KCNIP3: variants seen among roughly 807,000 people sequenced by gnomAD.
KCNIP3 encodes the protein potassium voltage-gated channel interacting protein 3.
KCNIP3 carries 28 observed loss-of-function variants against 35.0 expected under a neutral mutation model. The observed-to-expected ratio is 0.80, with a 90% confidence interval of 0.59 to 1.10. The LOEUF is 1.10. Among genes scored for constraint, KCNIP3 ranks in the 50% least tolerant of loss-of-function variants. The pLI is 0.00. For missense variants in KCNIP3, 295 were observed against 338.4 expected (o/e 0.87, Z 1.01); for synonymous variants, 134 against 133.8 (o/e 1.00, Z -0.01).
chr2:95,335,711 T>C (rs957965380), intron 2 of KCNIP3, among the ~76,000 whole-genome samples: 1 of 152,196 alleles, frequency 6.6e-6, no homozygotes, highest in Non-Finnish European at 1.5e-5. Context: ...TTCTTTAAAT[T>C]ATTTTTAAAA....
At chr2:95,299,840 CAGG>C in intron 1 of KCNIP3, among the ~76,000 whole-genome samples, 1 of 152,356 alleles carries the variant, frequency 6.6e-6, no homozygotes, top group Non-Finnish European at 1.5e-5. Context: ...AGGTAGAGCC[CAGG>C]AGAAGGGCAG....
In KCNIP3 at chr2:95,309,579, AC is replaced by A. The variant is rs775705181; in HGVS notation, c.16-775del. ...GCTGGGATTACAGGCACATGCCACC[AC>A]GTCTGGCTAATTTTTGTATTTTTAG... On this transcript the variant is annotated intron_variant, in intron 1 of 8. Transcript: ENST00000295225. Among the ~76,000 whole-genome samples the A allele has an allele frequency of 1.6e-3, 239 of 152,178 alleles. 1 individual carries two copies. Among genetic ancestry groups the A allele is most frequent in the South Asian group, 3.1e-3 (15 of 4,806 alleles).
chr2:95,316,267 TC>T (rs1349200607), intron 2 of KCNIP3, among the ~76,000 whole-genome samples: 3 of 152,346 alleles, frequency 2.0e-5, no homozygotes, highest in African/African-American at 7.2e-5. Flanking sequence ...CGGAACAGCC[TC>T]TGAGCCGCAC....
chr2:95,362,519 G>C (rs916228637), intron 2 of KCNIP3, among the ~76,000 whole-genome samples: 10 of 152,198 alleles, frequency 6.6e-5, no homozygotes, highest in African/African-American at 2.4e-4. Flanking sequence ...AGTCACACTG[G>C]GGGTTAAGAC....
intron 1 of KCNIP3, among the ~76,000 whole-genome samples, chr2:95,301,112 T>C (rs937868300): frequency 1.2e-4 from 12 of 99,596 alleles, no homozygotes; most frequent in Non-Finnish European, 3.0e-4. Flanking sequence ...ATGGGCACTC[T>C]GGACAGTGCT....
chr2:95,383,961 C>A, intron 8 of KCNIP3, 41 bp from the exon 9 acceptor site: 2 of 1,594,324 alleles, frequency 1.3e-6, no homozygotes, highest in South Asian at 1.1e-5. Flanking sequence ...GATTTGGAGC[C>A]CACCCAGCAC....
rs190606635 is a variant in KCNIP3, at chr2:95,384,834, G to T, written c.*785G>T. On this transcript the variant is annotated 3_prime_UTR_variant, in exon 9 of 9. Transcript: ENST00000295225. ...CACTCTCTGCCAGCTCCACAGGGTG[G>T]GATGAGCCTCTCCTTGCCCCAGTCC... 4.6e-3 allele frequency: 705 copies of T among 152,806 alleles called. 5 individuals are homozygous for T. The highest frequency in any genetic ancestry group is 7.4e-3 in the Non-Finnish European group (509 of 68,390). 9.5% of individuals were successfully genotyped at this position (152,806 alleles called of 1,614,324 possible).
intron 2 of KCNIP3, among the ~76,000 whole-genome samples, chr2:95,338,407 T>G (rs891065165): frequency 5.9e-5 from 9 of 152,208 alleles, no homozygotes; most frequent in African/African-American, 9.7e-5. Flanking sequence ...CCTGTGTCCT[T>G]CTTTCATGGT....
At chr2:95,380,413 G>A (rs759310544) in intron 5 of KCNIP3, among the ~76,000 whole-genome samples, 2 of 152,110 alleles carry the variant, frequency 1.3e-5, no homozygotes, top group African/African-American at 2.4e-5. Context: ...GAGGGGCCTC[G>A]GGGCCTTGGT....
intron 2 of KCNIP3, among the ~76,000 whole-genome samples, chr2:95,322,951 C>T (rs1488352996): frequency 1.3e-5 from 2 of 152,336 alleles, no homozygotes; most frequent in East Asian, 3.9e-4. Context: ...AGAGCCACCG[C>T]GAGCAGGTCC....
chr2:95,320,936 T>C (rs1471201919), intron 2 of KCNIP3, among the ~76,000 whole-genome samples: 2 of 41,634 alleles, frequency 4.8e-5, no homozygotes, highest in South Asian at 8.4e-4. Context: ...CAGCCTTCCC[T>C]AGGCCCTCTC....
Position 95,377,361 on chromosome 2 carries a change from C to T in KCNIP3, c.447+2153C>T, listed in dbSNP as rs1392512254. 1.3e-5 allele frequency among the ~76,000 whole-genome samples: 2 copies of T among 152,236 alleles called. No homozygotes were observed. The highest frequency in any genetic ancestry group is 2.9e-5 in the Non-Finnish European group (2 of 68,042). On this transcript the variant is annotated intron_variant, in intron 5 of 8. Transcript: ENST00000295225. The surrounding 1 kb of genome is among the most constrained non-coding windows in gnomAD (Gnocchi z 4.7). ...CCCGACAGTAAACTGCTCCATGTGC[C>T]AGTGGCCAAGCGGCATCCAGGGCCG...
At chr2:95,333,206 G>A (rs1416006813) in intron 2 of KCNIP3, among the ~76,000 whole-genome samples, 1 of 152,214 alleles carries the variant, frequency 6.6e-6, no homozygotes, top group African/African-American at 2.4e-5. Flanking sequence ...ACTTGGCCAT[G>A]CCCTTATAAC....
intron 2 of KCNIP3, among the ~76,000 whole-genome samples, chr2:95,328,662 G>C (rs1678850817): frequency 6.6e-6 from 1 of 152,264 alleles, no homozygotes; most frequent in Non-Finnish European, 1.5e-5. Flanking sequence ...CTGTGTGCTG[G>C]GGAGGGGCTC....
chr2:95,352,426 C>T (rs1444180914), intron 2 of KCNIP3, among the ~76,000 whole-genome samples: 1 of 152,070 alleles, frequency 6.6e-6, no homozygotes, highest in African/African-American at 2.4e-5. Context: ...GGGAGTGACC[C>T]TGGGGTCAGA....
In KCNIP3 at chr2:95,376,019, G is replaced by A. The variant is rs1235193983; in HGVS notation, c.447+811G>A. Among the ~76,000 whole-genome samples, 3 of 152,294 alleles carry A rather than the reference G, an allele frequency of 2.0e-5. No individual in the cohort carries two copies. Among genetic ancestry groups the A allele is most frequent in the Non-Finnish European group, 2.9e-5 (2 of 68,018 alleles). On this transcript the variant is annotated intron_variant, in intron 5 of 8. Coordinates refer to ENST00000295225, the MANE Select transcript of KCNIP3 (RefSeq NM_013434.5). The surrounding 1 kb of genome is among the most constrained non-coding windows in gnomAD (Gnocchi z 4.2). ...ATAATAACTTGTCGATAAGCTGCGCGGGTTATTTTTATGCCGCAAGCCCGC... is the reference window on the plus strand; with the variant it reads ...ATAATAACTTGTCGATAAGCTGCGCAGGTTATTTTTATGCCGCAAGCCCGC...
intron 2 of KCNIP3, among the ~76,000 whole-genome samples, chr2:95,356,694 T>G (rs181749831): frequency 1.3e-5 from 2 of 152,320 alleles, no homozygotes; most frequent in Non-Finnish European, 2.9e-5. Flanking sequence ...CTCTGTTCTG[T>G]TCCATTGGTC....
At chr2:95,345,953 C>G (rs1361065555) in intron 2 of KCNIP3, among the ~76,000 whole-genome samples, 1 of 152,216 alleles carries the variant, frequency 6.6e-6, no homozygotes, top group African/African-American at 2.4e-5. Flanking sequence ...GGCGTCTCCC[C>G]CTCTCTGCGG....
chr2:95,312,706 A>C (rs1379569332), intron 2 of KCNIP3: 1 of 152,002 alleles, frequency 6.6e-6, no homozygotes, highest in Non-Finnish European at 1.5e-5. Flanking sequence ...AGGTCACGTG[A>C]CTCAGCAGAT....
Sources: gnomAD v4.1 joint callset for allele counts (sites outside exome capture counted in the v4.1 genomes callset) on GRCh38, gnomAD v4.1.1 for gene constraint, Gnocchi (gnomAD v3.1) non-coding constraint, MANE v1.5 for transcripts, NCBI Gene and HGNC (gene_info 2026-07-23, HGNC 2026-07-21) for gene names.